The following ADAMTS19 variants were observed in gnomAD, a reference collection of about 807,000 sequenced individuals.
ADAMTS19 encodes ADAM metallopeptidase with thrombospondin type 1 motif 19, also known as A disintegrin and metalloproteinase with thrombospondin motifs 19.
ADAMTS19 carries 93 observed loss-of-function variants against 153.3 expected under a neutral mutation model. That is an observed-to-expected ratio of 0.61 (90% CI 0.51 to 0.72). The LOEUF is 0.72. Among genes scored for constraint, ADAMTS19 ranks in the 30% least tolerant of loss-of-function variants. The pLI, the probability that ADAMTS19 is intolerant of heterozygous loss-of-function variation, is 0.00. For synonymous variants in ADAMTS19, 600 were observed against 556.6 expected (o/e 1.08, Z -1.10); for missense variants, 1,482 against 1,552.1 (o/e 0.95, Z 0.76).
chr5:129,677,187 T>C (rs1444576848), intron 16 of ADAMTS19, among the ~76,000 whole-genome samples: 3 of 152,132 alleles, frequency 2.0e-5, no homozygotes, highest in African/African-American at 2.4e-5. Context: ...TTAAGAAAAG[T>C]AGATTGGGCC....
chr5:129,632,961 A>G (rs1752366091), intron 10 of ADAMTS19, among the ~76,000 whole-genome samples: 1 of 152,110 alleles, frequency 6.6e-6, no homozygotes, highest in African/African-American at 2.4e-5. Context: ...AGTTTTAGTG[A>G]TCATTCCTTT....
chr5:129,730,989 C>T (rs1230568795), intron 21 of ADAMTS19, among the ~76,000 whole-genome samples: 2 of 151,788 alleles, frequency 1.3e-5, no homozygotes, highest in Non-Finnish European at 1.5e-5. Flanking sequence ...GACAGAGTCT[C>T]ACTCTGTCAC....
intron 11 of ADAMTS19, among the ~76,000 whole-genome samples, chr5:129,647,210 T>G (rs1422757067): frequency 8.9e-6 from 1 of 112,342 alleles, no homozygotes; most frequent in Non-Finnish European, 1.7e-5. Flanking sequence ...TGGGAATTCT[T>G]TCAGAAAAAA....
At chr5:129,561,846 A>G (rs1753535362) in intron 7 of ADAMTS19, among the ~76,000 whole-genome samples, 2 of 151,922 alleles carry the variant, frequency 1.3e-5, no homozygotes, top group African/African-American at 4.8e-5. Flanking sequence ...CTATCTATCT[A>G]TCTATCTATC....
chr5:129,682,773 G>A (rs1323876969), intron 17 of ADAMTS19, among the ~76,000 whole-genome samples: 1 of 152,092 alleles, frequency 6.6e-6, no homozygotes, highest in Non-Finnish European at 1.5e-5. Context: ...TTACGCATTT[G>A]TGAACTTAAA....
At position 129,620,727 on chromosome 5, in the gene ADAMTS19, T is replaced by C; in HGVS notation, c.1588T>C (p.Cys530Arg). ...TCTTGGTGACGTTTCATGGTCTCGA[T>C]GTAGCAAGGAAGATTTGGAAAGATT... is the stretch of plus-strand genomic sequence containing the variant. ...QNLGDVSWSR[C>R]SKEDLERFLR... Residue 530 changes from cysteine to arginine, a missense_variant, in exon 9 of 23, where the codon TGT (cysteine) becomes CGT (arginine). Cys to Arg is a radical substitution (Grantham distance 180, BLOSUM62 -3). Around this residue, in one of 2 missense-constraint regions of ADAMTS19, gnomAD observed 866 missense variants for 827.7 expected, o/e 1.05. Coordinates refer to ENST00000274487, the MANE Select transcript of ADAMTS19 (RefSeq NM_133638.6). 6.2e-7 allele frequency: 1 copy of C among 1,612,988 alleles called. No individual in the cohort carries two copies. The highest frequency in any genetic ancestry group is 2.2e-5 in the East Asian group (1 of 44,824).
intron 2 of ADAMTS19, among the ~76,000 whole-genome samples, chr5:129,483,027 T>G (rs1297968112): frequency 2.0e-5 from 3 of 152,210 alleles, no homozygotes; most frequent in Admixed American, 2.0e-4. Flanking sequence ...TTTACTTGTT[T>G]ATTGACTTGT....
At chr5:129,706,510 AGT>A (rs552288395) in intron 21 of ADAMTS19, among the ~76,000 whole-genome samples, 2,013 of 151,966 alleles carry the variant, frequency 0.013, 49 homozygotes, top group African/African-American at 0.046. Flanking sequence ...TGGAGGTTCC[AGT>A]GAGCCAAGAT....
intron 21 of ADAMTS19, among the ~76,000 whole-genome samples, chr5:129,730,137 A>AT (rs1757373552): frequency 6.6e-6 from 1 of 152,080 alleles, no homozygotes; most frequent in Admixed American, 6.6e-5. Context: ...TATTTATATG[A>AT]TTATATCCAT....
At chr5:129,485,557 T>C in intron 2 of ADAMTS19, among the ~76,000 whole-genome samples, 1 of 151,998 alleles carries the variant, frequency 6.6e-6, no homozygotes, top group East Asian at 1.9e-4. Context: ...AACTGATAAA[T>C]TTCCAGCTAG....
intron 2 of ADAMTS19, among the ~76,000 whole-genome samples, chr5:129,471,878 CATG>C (rs1036364693): frequency 1.3e-5 from 2 of 152,168 alleles, no homozygotes; most frequent in African/African-American, 4.8e-5. Context: ...CTGCAAAGGA[CATG>C]ATATCATTCT....
chr5:129,596,464 G>C, intron 7 of ADAMTS19, 95 bp from the exon 8 acceptor site: 1 of 836,916 alleles, frequency 1.2e-6, no homozygotes, highest in Non-Finnish European at 1.8e-6. Flanking sequence ...CATTTTAGTC[G>C]TGACAACTGC....
intron 6 of ADAMTS19, among the ~76,000 whole-genome samples, chr5:129,540,443 C>T: frequency 6.6e-6 from 1 of 152,080 alleles, no homozygotes; most frequent in East Asian, 1.9e-4. Context: ...GCAATTTTCA[C>T]ATTTCTTATT....
chr5:129,600,219 A>G (rs1292762928), intron 8 of ADAMTS19, among the ~76,000 whole-genome samples: 1 of 152,184 alleles, frequency 6.6e-6, no homozygotes, highest in Non-Finnish European at 1.5e-5. Flanking sequence ...CCGTACACAC[A>G]CACACAAACA....
At chr5:129,513,861 C>A (rs1751513202) in intron 3 of ADAMTS19, among the ~76,000 whole-genome samples, 1 of 151,932 alleles carries the variant, frequency 6.6e-6, no homozygotes, top group Non-Finnish European at 1.5e-5. Context: ...ACCTATTGTG[C>A]TATCAAATAG....
chr5:129,707,584 G>A (rs1053806782), intron 21 of ADAMTS19, among the ~76,000 whole-genome samples: 3 of 152,080 alleles, frequency 2.0e-5, no homozygotes, highest in Admixed American at 2.0e-4. Context: ...CAGAGAAAAG[G>A]AATAATGAAT....
rs78749682 is a variant in ADAMTS19, at chr5:129,462,003, A to C, written c.747+246A>C. On this transcript the variant is annotated intron_variant, in intron 2 of 22. Transcript: ENST00000274487. Reference sequence around the variant, plus strand: ...CCTTCCAGATGGTTATGTGTCTTTCAAAACTGCGTGAAACTCTGCCTTTTC... The same window carrying C: ...CCTTCCAGATGGTTATGTGTCTTTCCAAACTGCGTGAAACTCTGCCTTTTC... Among the ~76,000 whole-genome samples the C allele has an allele frequency of 2.7e-3, 411 of 152,296 alleles. 6 individuals are homozygous for C. The highest frequency in any genetic ancestry group is 9.5e-3 in the African/African-American group (395 of 41,550).
intron 2 of ADAMTS19, among the ~76,000 whole-genome samples, chr5:129,495,805 T>C (rs895057870): frequency 6.6e-6 from 1 of 152,114 alleles, no homozygotes; most frequent in Non-Finnish European, 1.5e-5. Flanking sequence ...TGACGTGGCC[T>C]GGTATACACA....
chr5:129,526,039 A>G (rs189002600), intron 3 of ADAMTS19, among the ~76,000 whole-genome samples: 2 of 152,152 alleles, frequency 1.3e-5, no homozygotes, highest in East Asian at 1.9e-4. Context: ...AGGTGTTATC[A>G]TTATCCACTT....
Sources: gnomAD v4.1 joint callset for allele counts (sites outside exome capture counted in the v4.1 genomes callset) on GRCh38, gnomAD v4.1.1 for gene constraint, gnomAD v4.1.1 regional missense constraint, MANE v1.5 for transcripts, NCBI Gene and HGNC (gene_info 2026-07-23, HGNC 2026-07-21) for gene names.